Variants in THNSL1 observed in about 807,000 individuals in gnomAD.
THNSL1 encodes threonine synthase-like 1.
Under a neutral mutation model 50.4 loss-of-function variants are expected in THNSL1, and 48 were observed. That is an observed-to-expected ratio of 0.95 (90% CI 0.76 to 1.21). The LOEUF is 1.21. THNSL1 is among the 50% of genes most tolerant of loss of function. The pLI is 0.00. For missense variants in THNSL1, 896 were observed against 871.7 expected, an observed-to-expected ratio of 1.03 and a Z score of -0.35; for synonymous variants, 309 against 306.1, an observed-to-expected ratio of 1.01 and a Z score of -0.10.
rs36007062 is a variant in THNSL1 at position 25,020,740 on chromosome 10, CAAAA to C, written c.-215-989_-215-986del. On this transcript the variant is annotated intron_variant, in intron 1 of 2. Transcript: ENST00000376356. ...TGGGTGACAGTGGAAGACCCTTTCT[CAAAA>C]AAAAAAAAAAAATTACTGCTCATGA... is the stretch of plus-strand genomic sequence containing the variant. 2.2e-5 allele frequency among the ~76,000 whole-genome samples: 3 copies of C among 134,022 alleles called. 1 individual carries two copies. The highest frequency in any genetic ancestry group is 4.1e-4 in the East Asian group (2 of 4,824). The allele number at this position is 134,022 out of a possible 152,430, so 87.9% of individuals were successfully genotyped here.
the THNSL1 span, among the ~76,000 whole-genome samples, chr10:24,981,515 C>T: frequency 6.6e-6 from 1 of 152,156 alleles, no homozygotes; most frequent in African/African-American, 2.4e-5. Context: ...AAGTCCTCTC[C>T]TGCAACCAGA....
rs761849204 is a variant in THNSL1 at position 25,025,499 on chromosome 10, T to C, written c.*44T>C. On this transcript the variant is annotated 3_prime_UTR_variant, in exon 3 of 3. Coordinates refer to ENST00000376356, the MANE Select transcript of THNSL1 (RefSeq NM_024838.5). ...TTTTTTTCTAGCTATAAGCATGCAATAATAAATCTCAAACACTGATTTGGA... is the reference window on the plus strand; with the variant it reads ...TTTTTTTCTAGCTATAAGCATGCAACAATAAATCTCAAACACTGATTTGGA... The C allele has an allele frequency of 5.9e-6, 9 of 1,530,930 alleles. No individual in the cohort carries two copies. In the African/African-American group the frequency reaches 1.1e-4, roughly 19 times the overall value. The allele number at this position is 1,530,930 out of a possible 1,614,324, so 94.8% of individuals were successfully genotyped here. A position where few individuals can be genotyped will look rare whatever the true frequency, so the allele number is the denominator to read the frequency against.
chr10:25,013,703 G>T (rs1378212412), upstream of THNSL1, among the ~76,000 whole-genome samples: 1 of 152,206 alleles, frequency 6.6e-6, no homozygotes, highest in Non-Finnish European at 1.5e-5. Flanking sequence ...AGCACTTTGG[G>T]AGGCAGAGGT....
At chr10:24,981,058 T>C in the THNSL1 span, among the ~76,000 whole-genome samples, 14 of 152,140 alleles carry the variant, frequency 9.2e-5, no homozygotes. Context: ...TCCCACATAG[T>C]TTGACAACTG....
chr10:25,004,725 T>C, the THNSL1 span, among the ~76,000 whole-genome samples: 2 of 152,244 alleles, frequency 1.3e-5, no homozygotes, highest in East Asian at 3.9e-4. Context: ...GTTTACTCTG[T>C]TGATGGTTTC....
the THNSL1 span, among the ~76,000 whole-genome samples, chr10:24,963,276 G>T: frequency 0.52 from 78,944 of 152,090 alleles, 22,566 homozygotes; most frequent in African/African-American, 0.77. Context: ...ACCTTTCACC[G>T]TGTTAGTCAA....
upstream of THNSL1, among the ~76,000 whole-genome samples, chr10:25,012,474 CAGGGACAGAGCTGCCCAAG>C (rs1850469737): frequency 1.3e-5 from 2 of 152,220 alleles, no homozygotes; most frequent in South Asian, 4.1e-4. Context: ...TGCCAGGTCA[CAGGGACAGAGCTGCCCAAG>C]ACCATAGGAT....
the THNSL1 span, among the ~76,000 whole-genome samples, chr10:24,989,775 A>G: frequency 1.3e-5 from 2 of 152,226 alleles, no homozygotes; most frequent in African/African-American, 4.8e-5. Context: ...TGAAAAATAA[A>G]CAAAGAATTA....
the THNSL1 span, among the ~76,000 whole-genome samples, chr10:24,959,060 G>A: frequency 6.6e-6 from 1 of 152,162 alleles, no homozygotes; most frequent in Non-Finnish European, 1.5e-5. Flanking sequence ...AATACTCTGT[G>A]GTTATGAACA....
chr10:24,984,430 G>C, the THNSL1 span: 1 of 1,548,696 alleles, frequency 6.5e-7, no homozygotes, highest in Non-Finnish European at 8.7e-7. Context: ...TTATTTTTCA[G>C]GACCTAGAAA....
At chr10:24,999,460 T>A in the THNSL1 span, 1 of 1,613,500 alleles carries the variant, frequency 6.2e-7, no homozygotes, top group South Asian at 1.1e-5. Context: ...AGAAGGTACT[T>A]CAACTTTTGC....
the THNSL1 span, among the ~76,000 whole-genome samples, chr10:24,974,854 TA>T: frequency 6.6e-6 from 1 of 152,192 alleles, no homozygotes; most frequent in Non-Finnish European, 1.5e-5. Flanking sequence ...ACAAAAGAAT[TA>T]CAGCAATTTA....
chr10:24,984,429 A>G, the THNSL1 span: 4 of 1,555,294 alleles, frequency 2.6e-6, no homozygotes, highest in African/African-American at 2.8e-5. Context: ...TTTATTTTTC[A>G]GGACCTAGAA....
At chr10:24,981,074 G>A in the THNSL1 span, among the ~76,000 whole-genome samples, 3 of 152,206 alleles carry the variant, frequency 2.0e-5, no homozygotes, top group Non-Finnish European at 4.4e-5. Flanking sequence ...AACTGGGACA[G>A]AATGCACTGA....
the THNSL1 span, among the ~76,000 whole-genome samples, chr10:24,959,373 A>G: frequency 2.0e-5 from 3 of 152,194 alleles, no homozygotes; most frequent in African/African-American, 7.2e-5. Context: ...TGCATCTTAG[A>G]GTTAAGGTGA....
the THNSL1 span, chr10:24,999,317 G>T: frequency 7.4e-7 from 1 of 1,354,226 alleles, no homozygotes; most frequent in Non-Finnish European, 1.0e-6. Flanking sequence ...ACCTGTGCAT[G>T]TTTAATATTC....
At chr10:25,006,719 T>C in the THNSL1 span, among the ~76,000 whole-genome samples, 1 of 152,164 alleles carries the variant, frequency 6.6e-6, no homozygotes, top group South Asian at 2.1e-4. Flanking sequence ...TATCAAAAAC[T>C]AAACAATTAT....
chr10:24,973,452 GTT>G, the THNSL1 span, among the ~76,000 whole-genome samples: 1 of 152,080 alleles, frequency 6.6e-6, no homozygotes, highest in African/African-American at 2.4e-5. Flanking sequence ...ACAGCATGCA[GTT>G]TAAAACATAT....
chr10:24,981,273 T>C, the THNSL1 span, among the ~76,000 whole-genome samples: 1 of 152,202 alleles, frequency 6.6e-6, no homozygotes, highest in Non-Finnish European at 1.5e-5. Flanking sequence ...CATGAGGCTT[T>C]GTTGGACACA....
Sources: allele counts gnomAD v4.1 joint callset (sites outside exome capture counted in the v4.1 genomes callset), GRCh38; gene constraint gnomAD v4.1.1; transcripts MANE v1.5; gene names NCBI Gene and HGNC (gene_info 2026-07-23, HGNC 2026-07-21).